Variants in PHLPP1 observed in about 807,000 individuals in gnomAD.
The protein encoded by PHLPP1 is PH domain leucine-rich repeat-containing protein phosphatase 1.
A neutral mutation model predicts 117.2 loss-of-function variants in PHLPP1; 42 were observed. The observed-to-expected ratio is 0.36, with a 90% CI of 0.28 to 0.46. PHLPP1 has a LOEUF of 0.46. Ranked by LOEUF, PHLPP1 falls within the 20% of genes least tolerant of loss-of-function variation. The pLI is 1.00. For missense variants in PHLPP1, 2,084 were observed against 2,241.9 expected (o/e 0.93, Z 1.42); for synonymous variants, 1,042 against 970.7 (o/e 1.07, Z -1.37).
chr18:62,715,589 TC>T lies in PHLPP1; in HGVS notation c.-93del. On this transcript the variant is annotated 5_prime_UTR_variant, in exon 1 of 17. Coordinates refer to ENST00000262719, the MANE Select transcript of PHLPP1 (RefSeq NM_194449.4). ...CACAACGCCATTGGCTTCTCCCTTC[TC>T]CGCGCGCCGCCGCCGTCTCCCACCT... 1 of 772,972 alleles carries T rather than the reference TC, an allele frequency of 1.3e-6. No homozygotes were observed. Among genetic ancestry groups the T allele is most frequent in the Non-Finnish European group, 1.8e-6 (1 of 565,028 alleles). 47.9% of individuals were successfully genotyped at this position (772,972 alleles called of 1,614,324 possible). A position where few individuals can be genotyped will look rare whatever the true frequency, so the allele number is the denominator to read the frequency against.
intron 10 of PHLPP1, among the ~76,000 whole-genome samples, chr18:62,923,892 G>C (rs1909547273): frequency 6.6e-6 from 1 of 152,154 alleles, no homozygotes; most frequent in Admixed American, 6.5e-5. Flanking sequence ...TCTTGCAGGT[G>C]GTTTCAGTTG....
intron 1 of PHLPP1, among the ~76,000 whole-genome samples, chr18:62,757,413 A>G (rs1912062847): frequency 6.6e-6 from 1 of 152,152 alleles, no homozygotes; most frequent in Admixed American, 6.5e-5. Flanking sequence ...TAAGGCTTGG[A>G]GTTTTCTTTG....
chr18:62,836,677 A>AT (rs1568132960), intron 2 of PHLPP1, among the ~76,000 whole-genome samples: 2 of 150,012 alleles, frequency 1.3e-5, no homozygotes, highest in Admixed American at 6.7e-5. Context: ...GGATTGATCT[A>AT]TTTTTTGAAA....
chr18:62,821,235 G>A (rs1201487513), intron 1 of PHLPP1, among the ~76,000 whole-genome samples: 1 of 152,136 alleles, frequency 6.6e-6, no homozygotes, highest in Non-Finnish European at 1.5e-5. Flanking sequence ...TCTGAGACCA[G>A]CCTGGGCAAC....
intron 1 of PHLPP1, among the ~76,000 whole-genome samples, chr18:62,752,448 G>A (rs1283789011): frequency 1.3e-5 from 2 of 152,296 alleles, no homozygotes; most frequent in East Asian, 3.9e-4. Context: ...TAGAGTATGC[G>A]ACCTTTTACA....
chr18:62,867,679 A>G (rs1915801347), intron 4 of PHLPP1, among the ~76,000 whole-genome samples: 1 of 152,160 alleles, frequency 6.6e-6, no homozygotes, highest in South Asian at 2.1e-4. Context: ...CTACACAGCA[A>G]AGACAGTGTG....
chr18:62,854,752 G>A (rs894030465), intron 3 of PHLPP1, among the ~76,000 whole-genome samples: 4 of 144,606 alleles, frequency 2.8e-5, no homozygotes, highest in Non-Finnish European at 6.0e-5. Context: ...GGTGGAGTGT[G>A]ATGGCTCAAT....
chr18:62,815,420 G>C (rs1267890647), intron 1 of PHLPP1, among the ~76,000 whole-genome samples: 2 of 152,082 alleles, frequency 1.3e-5, no homozygotes, highest in African/African-American at 4.8e-5. Flanking sequence ...CCTCCCAAAA[G>C]TGCTGGGATT....
At chr18:62,792,868 C>CAAAAAAAAAAAAAAA (rs71160870) in intron 1 of PHLPP1, among the ~76,000 whole-genome samples, 3 of 56,846 alleles carry the variant, frequency 5.3e-5, no homozygotes, top group African/African-American at 2.3e-4. Flanking sequence ...GCCTCTGTCT[C>CAAAAAAAAAAAAAAA]AAAAAAAAAA....
chr18:62,922,827 A>G (rs903161758), intron 10 of PHLPP1, among the ~76,000 whole-genome samples: 2 of 152,140 alleles, frequency 1.3e-5, no homozygotes, highest in African/African-American at 4.8e-5. Context: ...TCATGTTTAG[A>G]TGTGTTTGGA....
chr18:62,801,010 TC>T, intron 1 of PHLPP1, among the ~76,000 whole-genome samples: 2 of 1,218 alleles, frequency 1.6e-3, no homozygotes, highest in Non-Finnish European at 0.011. Flanking sequence ...CTTGCTTCCT[TC>T]CCTCCCTCCC....
chr18:62,760,053 G>A (rs2144246834), intron 1 of PHLPP1, among the ~76,000 whole-genome samples: 2 of 152,258 alleles, frequency 1.3e-5, no homozygotes, highest in Admixed American at 1.3e-4. Context: ...TGATAGTAGT[G>A]CCCCCAGAAT....
chr18:62,722,638 C>T (rs867421680), intron 1 of PHLPP1, among the ~76,000 whole-genome samples: 4 of 151,994 alleles, frequency 2.6e-5, no homozygotes, highest in Middle Eastern at 3.2e-3. Flanking sequence ...TTATACTTAC[C>T]TTTGGCTTTC....
At chr18:62,834,915 C>A (rs149828216) in intron 2 of PHLPP1, among the ~76,000 whole-genome samples, 65 of 152,108 alleles carry the variant, frequency 4.3e-4, no homozygotes, top group African/African-American at 1.5e-3. Flanking sequence ...TGCTTGATAT[C>A]TGTCAATTTG....
At chr18:62,935,054 A>G (rs895350791) in intron 10 of PHLPP1, among the ~76,000 whole-genome samples, 5 of 152,242 alleles carry the variant, frequency 3.3e-5, no homozygotes, top group African/African-American at 7.2e-5. Context: ...GAAAAGATCA[A>G]TTAGAGGCAT....
At position 62,809,772 on chromosome 18, in the gene PHLPP1, A is replaced by T. The variant is rs1008093933; in HGVS notation, c.1577-20263A>T. On this transcript the variant is annotated intron_variant, in intron 1 of 16. Transcript: ENST00000262719. ...ATGAATGTTGGGGCACTATTTTTTT[A>T]AAAACATTCTGTTTTTACCCTAGAT... Among the ~76,000 whole-genome samples the T allele has an allele frequency of 2.0e-5, 3 of 151,786 alleles. No homozygotes were observed. In the South Asian group the frequency reaches 6.2e-4, roughly 31 times the overall value.
At chr18:62,828,421 T>C (rs145119419) in intron 1 of PHLPP1, among the ~76,000 whole-genome samples, 8 of 152,322 alleles carry the variant, frequency 5.3e-5, no homozygotes, top group African/African-American at 1.7e-4. Context: ...TATGGTACCT[T>C]TCCAGTGAGA....
chr18:62,978,173 C>A lies in PHLPP1; in HGVS notation c.3985-89C>A, dbSNP rs1240339087. 1.4e-6 allele frequency: 1 copy of A among 707,398 alleles called. No individual in the cohort carries two copies. Among genetic ancestry groups the A allele is most frequent in the Non-Finnish European group, 2.4e-6 (1 of 412,162 alleles). 43.8% of individuals were successfully genotyped at this position (707,398 alleles called of 1,614,324 possible). Reference sequence around the variant, plus strand: ...CAGCACTTCTCTGTGGTCCTACAGTCGAGACAGTCGAGGGACCCGCAGGGA... The same window carrying A: ...CAGCACTTCTCTGTGGTCCTACAGTAGAGACAGTCGAGGGACCCGCAGGGA... On this transcript the variant is annotated intron_variant, in intron 16 of 16. Coordinates refer to ENST00000262719, the MANE Select transcript of PHLPP1 (RefSeq NM_194449.4). The surrounding 1 kb of genome is among the most constrained non-coding windows in gnomAD (Gnocchi z 7.0).
At chr18:62,805,651 A>G (rs1004250010) in intron 1 of PHLPP1, among the ~76,000 whole-genome samples, 1 of 152,164 alleles carries the variant, frequency 6.6e-6, no homozygotes, top group Non-Finnish European at 1.5e-5. Context: ...ATAAGCCACC[A>G]TGCCCGACCT....
Sources: allele counts gnomAD v4.1 joint callset (sites outside exome capture counted in the v4.1 genomes callset), GRCh38; gene constraint gnomAD v4.1.1; non-coding constraint Gnocchi (gnomAD v3.1); transcripts MANE v1.5; gene names NCBI Gene and HGNC (gene_info 2026-07-23, HGNC 2026-07-21).